The following GNG7 variants were observed in gnomAD, a reference collection of about 807,000 sequenced individuals.
The protein encoded by GNG7 is G protein subunit gamma 7, also known as guanine nucleotide-binding protein G(I)/G(S)/G(O) subunit gamma-7.
GNG7 carries 1 observed loss-of-function variant against 4.0 expected under a neutral mutation model. That is an observed-to-expected ratio of 0.25 (90% CI 0.09 to 1.18). GNG7 has a LOEUF of 1.18. Among genes scored for constraint, GNG7 ranks in the 50% most tolerant of loss-of-function variants. The pLI is 0.50. For synonymous variants in GNG7, 34 were observed against 36.9 expected (o/e 0.92, Z 0.29); for missense variants, 86 against 91.9 (o/e 0.94, Z 0.26).
chr19:2,532,973 C>A (rs1978640712), intron 3 of GNG7, among the ~76,000 whole-genome samples: 1 of 152,022 alleles, frequency 6.6e-6, no homozygotes, highest in South Asian at 2.1e-4. Flanking sequence ...AAAAACATGT[C>A]TCCATAAAAG....
chr19:2,526,351 C>A (rs1389438844), intron 3 of GNG7, among the ~76,000 whole-genome samples: 2 of 149,782 alleles, frequency 1.3e-5, no homozygotes, highest in Non-Finnish European at 3.0e-5. Flanking sequence ...GTGATCCACC[C>A]GCCTCGACCT....
chr19:2,515,694 G>T (rs1007661039), intron 4 of GNG7, among the ~76,000 whole-genome samples: 11 of 151,920 alleles, frequency 7.2e-5, no homozygotes, highest in Non-Finnish European at 1.3e-4. Context: ...CCACAGTGCT[G>T]GGATTACAGG....
At chr19:2,536,952 ATTT>A (rs11288292) in intron 3 of GNG7, among the ~76,000 whole-genome samples, 1 of 108,812 alleles carries the variant, frequency 9.2e-6, no homozygotes, top group African/African-American at 3.2e-5. Context: ...TTTTATTTTT[ATTT>A]TTTTTTTTTG....
chr19:2,659,125 A>T (rs901021697), intron 1 of GNG7, among the ~76,000 whole-genome samples: 1 of 151,790 alleles, frequency 6.6e-6, no homozygotes, highest in Non-Finnish European at 1.5e-5. Context: ...GCCCGCCACC[A>T]CACCTGGCTA....
intron 1 of GNG7, among the ~76,000 whole-genome samples, chr19:2,657,361 A>AAATATATATAT (rs1555701153): frequency 6.1e-5 from 1 of 16,338 alleles, no homozygotes; most frequent in Admixed American, 1.0e-3. Flanking sequence ...AAAAAAAAAA[A>AAATATATATAT]ATATATATAT....
intron 3 of GNG7, among the ~76,000 whole-genome samples, chr19:2,549,470 T>C (rs891907220): frequency 1.3e-5 from 2 of 152,024 alleles, no homozygotes; most frequent in East Asian, 1.9e-4. Context: ...TTTGTATTTT[T>C]AGTAGAGACG....
At chr19:2,515,980 G>A (rs1348751256) in intron 4 of GNG7, among the ~76,000 whole-genome samples, 3 of 151,740 alleles carry the variant, frequency 2.0e-5, no homozygotes, top group Non-Finnish European at 4.4e-5. Flanking sequence ...GTTGGGAGGC[G>A]GAGGCGGGAG....
intron 2 of GNG7, among the ~76,000 whole-genome samples, chr19:2,621,930 G>A (rs1236873678): frequency 1.3e-5 from 2 of 152,132 alleles, no homozygotes; most frequent in Non-Finnish European, 2.9e-5. Context: ...ACACACGTCT[G>A]CGGATTGATA....
intron 2 of GNG7, among the ~76,000 whole-genome samples, chr19:2,631,560 C>T (rs768998503): frequency 1.3e-5 from 2 of 152,148 alleles, no homozygotes; most frequent in Admixed American, 1.3e-4. Context: ...GAACAGAGAA[C>T]TTGGCCCAGG....
At position 2,633,487 on chromosome 19, in the gene GNG7, G is replaced by GCGCACACACA. The variant is rs1250581952; in HGVS notation, c.-78+12736_-78+12737insTGTGTGTGCG. On this transcript the variant is annotated intron_variant, in intron 2 of 4. Coordinates refer to ENST00000382159, the MANE Select transcript of GNG7 (RefSeq NM_052847.3). The surrounding 1 kb of genome is among the most constrained non-coding windows in gnomAD (Gnocchi z 5.9). Reference sequence around the variant, plus strand: ...TAGCAACAGGCGCGCGCGCGCGCGCGCACACACACACACACACACACACAC... The same window carrying GCGCACACACA: ...TAGCAACAGGCGCGCGCGCGCGCGCGCGCACACACACACACACACACACACACACACACAC... Among the ~76,000 whole-genome samples the GCGCACACACA allele has an allele frequency of 3.5e-4, 36 of 103,806 alleles. No individual in the cohort carries two copies. Among genetic ancestry groups the GCGCACACACA allele is most frequent in the Middle Eastern group, 4.5e-3 (1 of 222 alleles). The allele number at this position is 103,806 out of a possible 152,430, so 68.1% of individuals were successfully genotyped here.
At chr19:2,596,088 G>T (rs2144806804) in intron 2 of GNG7, among the ~76,000 whole-genome samples, 1 of 152,338 alleles carries the variant, frequency 6.6e-6, no homozygotes, top group African/African-American at 2.4e-5. Flanking sequence ...GCCGGGCGCG[G>T]TGGCTCATAT....
At chr19:2,565,344 T>C (rs1312867912) in intron 2 of GNG7, among the ~76,000 whole-genome samples, 1 of 151,932 alleles carries the variant, frequency 6.6e-6, no homozygotes, top group Non-Finnish European at 1.5e-5. Flanking sequence ...ACCCCGTCTC[T>C]ACTAAAAAAA....
At position 2,546,896 on chromosome 19, in the gene GNG7, C is replaced by T. The variant is rs1979146280; in HGVS notation, c.-38+8253G>A. 6.6e-6 allele frequency among the ~76,000 whole-genome samples: 1 copy of T among 152,162 alleles called. No homozygotes were observed. ...CTGAACCCCGTGGCTCCTGTCACTC[C>T]AGTTCTGGGCTTCCCGGCTGAGGAA... On this transcript the variant is annotated intron_variant, in intron 3 of 4. Coordinates refer to ENST00000382159, the MANE Select transcript of GNG7 (RefSeq NM_052847.3). The surrounding 1 kb of genome is among the most constrained non-coding windows in gnomAD (Gnocchi z 6.3).
rs368960235 is a variant in GNG7 at position 2,653,066 on chromosome 19, G to A, written c.-134-6786C>T. Among the ~76,000 whole-genome samples, 9 of 151,962 alleles carry A rather than the reference G, an allele frequency of 5.9e-5. No individual in the cohort carries two copies. In the South Asian group the frequency reaches 6.2e-4, roughly 11 times the overall value. ...AGATCACACCACTGCACTCCAGCCCGGGCAACAGAGCAAGACTCTGACTCA... is the reference window on the plus strand; with the variant it reads ...AGATCACACCACTGCACTCCAGCCCAGGCAACAGAGCAAGACTCTGACTCA... On this transcript the variant is annotated intron_variant, in intron 1 of 4. Transcript: ENST00000382159. This position sits in a 1 kb window ranked among gnomAD's most constrained non-coding sequence, Gnocchi z 4.8.
intron 1 of GNG7, among the ~76,000 whole-genome samples, chr19:2,696,489 A>G (rs1278142101): frequency 6.6e-6 from 1 of 152,248 alleles, no homozygotes. Context: ...AGTGCAGTGG[A>G]CTGCCTGTGC....
chr19:2,661,302 G>GAAAGAAAGAAACAAAGAAAGAAAGAA, intron 1 of GNG7, among the ~76,000 whole-genome samples: 11 of 73,124 alleles, frequency 1.5e-4, no homozygotes, highest in African/African-American at 5.9e-4. Flanking sequence ...AAGAAAGAAA[G>GAAAGAAAGAAACAAAGAAAGAAAGAA]AGAAAGAAAG....
Position 2,690,764 on chromosome 19 carries a change from T to C in GNG7, c.-135+11882A>G, listed in dbSNP as rs7257506. Among the ~76,000 whole-genome samples, 646 of 152,174 alleles carry C rather than the reference T, an allele frequency of 4.2e-3. 8 individuals are homozygous for C. Among genetic ancestry groups the C allele is most frequent in the African/African-American group, 0.015 (606 of 41,504 alleles). On this transcript the variant is annotated intron_variant, in intron 1 of 4. Coordinates refer to ENST00000382159, the MANE Select transcript of GNG7 (RefSeq NM_052847.3). ...ACGCACCACCACGCCCAACTAAGCT[T>C]TGTATTGTTAATAAAGACGGGGTTT...
chr19:2,538,738 G>A (rs936419553), intron 3 of GNG7: 2 of 455,990 alleles, frequency 4.4e-6, no homozygotes, highest in South Asian at 1.6e-5. Flanking sequence ...AGTGCTGATG[G>A]CTTCAGACTT....
chr19:2,521,304 G>A (rs1053927003), intron 3 of GNG7, among the ~76,000 whole-genome samples: 6 of 152,054 alleles, frequency 3.9e-5, no homozygotes, highest in African/African-American at 1.2e-4. Flanking sequence ...AAGGGCAAAG[G>A]CAATAGGCCA....
Sources: allele counts gnomAD v4.1 joint callset (sites outside exome capture counted in the v4.1 genomes callset), GRCh38; gene constraint gnomAD v4.1.1; non-coding constraint Gnocchi (gnomAD v3.1); transcripts MANE v1.5; gene names NCBI Gene and HGNC (gene_info 2026-07-23, HGNC 2026-07-21).